Variants in ANXA10 observed in about 807,000 individuals in gnomAD.
ANXA10 encodes annexin 14.
Under a neutral mutation model 53.5 loss-of-function variants are expected in ANXA10, and 49 were observed. The observed-to-expected ratio is 0.92, with a 90% confidence interval of 0.73 to 1.16. The LOEUF is 1.16. Ranked by LOEUF, ANXA10 falls within the 50% of genes most tolerant of loss-of-function variation. The pLI is 0.00. For synonymous variants in ANXA10, 131 were observed against 128.9 expected (o/e 1.02, Z -0.11); for missense variants, 393 against 394.4 (o/e 1.00, Z 0.03).
chr4:168,117,467 A>T (rs1289113812), intron 1 of ANXA10, among the ~76,000 whole-genome samples: 1 of 152,192 alleles, frequency 6.6e-6, no homozygotes, highest in East Asian at 1.9e-4. Flanking sequence ...CACTCTTTGC[A>T]TTACCAGCTG....
chr4:168,107,135 C>G (rs991708631), intron 1 of ANXA10, among the ~76,000 whole-genome samples: 14 of 151,928 alleles, frequency 9.2e-5, no homozygotes, highest in African/African-American at 3.4e-4. Context: ...ATATGGATTC[C>G]ATTGGCAGTA....
At chr4:168,152,052 A>C (rs1348594443) in intron 3 of ANXA10, among the ~76,000 whole-genome samples, 2 of 152,226 alleles carry the variant, frequency 1.3e-5, no homozygotes, top group East Asian at 3.8e-4. Flanking sequence ...CTGGTGAAAT[A>C]GCCGTGAAGA....
At chr4:168,106,317 G>A (rs928850578) in intron 1 of ANXA10, among the ~76,000 whole-genome samples, 1 of 152,006 alleles carries the variant, frequency 6.6e-6, no homozygotes, top group Non-Finnish European at 1.5e-5. Context: ...TAATGTGTGG[G>A]AAATGGATAA....
intron 6 of ANXA10, among the ~76,000 whole-genome samples, chr4:168,173,504 G>T (rs1732057481): frequency 6.6e-6 from 1 of 152,182 alleles, no homozygotes; most frequent in Admixed American, 6.5e-5. Flanking sequence ...ACTACAGGGA[G>T]CCAAAGGTAG....
intron 3 of ANXA10, among the ~76,000 whole-genome samples, chr4:168,152,283 A>G (rs968683541): frequency 6.6e-6 from 1 of 152,192 alleles, no homozygotes; most frequent in Non-Finnish European, 1.5e-5. Context: ...ACCTAGGGGA[A>G]GAACATTAAG....
intron 1 of ANXA10, among the ~76,000 whole-genome samples, chr4:168,104,016 T>C (rs1730681331): frequency 6.6e-6 from 1 of 151,974 alleles, no homozygotes; most frequent in South Asian, 2.1e-4. Flanking sequence ...ATATTTCACC[T>C]TTAATTTTAG....
intron 1 of ANXA10, among the ~76,000 whole-genome samples, 161 bp downstream of exon 1, chr4:168,092,879 C>A (rs1164971456): frequency 1.3e-5 from 2 of 151,964 alleles, no homozygotes; most frequent in African/African-American, 4.8e-5. Flanking sequence ...TTGAAAGAAA[C>A]ATTTATAGAA....
At chr4:168,160,608 T>C (rs532064077) in intron 3 of ANXA10, among the ~76,000 whole-genome samples, 1 of 152,242 alleles carries the variant, frequency 6.6e-6, no homozygotes, top group East Asian at 1.9e-4. Flanking sequence ...TCAAATAGTA[T>C]TTCTGCCTCT....
chr4:168,126,611 A>G (rs1475155342), intron 1 of ANXA10, among the ~76,000 whole-genome samples: 3 of 152,134 alleles, frequency 2.0e-5, no homozygotes, highest in African/African-American at 7.2e-5. Flanking sequence ...CCTCTTATCT[A>G]GGACCAGCTC....
intron 3 of ANXA10, 32 bp downstream of exon 3, chr4:168,139,612 G>A (rs747202146): frequency 4.7e-5 from 73 of 1,558,898 alleles, no homozygotes; most frequent in South Asian, 1.5e-4. Flanking sequence ...CTATTTCTAG[G>A]GCAATCTCTT....
At chr4:168,112,619 T>C (rs1730829055) in intron 1 of ANXA10, among the ~76,000 whole-genome samples, 2 of 152,216 alleles carry the variant, frequency 1.3e-5, no homozygotes, top group African/African-American at 4.8e-5. Context: ...GTATTTCTCC[T>C]TCATATGGAA....
intron 6 of ANXA10, among the ~76,000 whole-genome samples, chr4:168,169,564 C>T (rs1041767666): frequency 3.9e-5 from 6 of 152,170 alleles, no homozygotes; most frequent in Non-Finnish European, 7.4e-5. Flanking sequence ...TGCCGATCTC[C>T]GTCTCAAAGT....
At chr4:168,132,151 A>G (rs1008561736) in intron 2 of ANXA10, among the ~76,000 whole-genome samples, 1 of 152,132 alleles carries the variant, frequency 6.6e-6, no homozygotes, top group Non-Finnish European at 1.5e-5. Flanking sequence ...AAAGGAAATC[A>G]ATATATCAAA....
intron 3 of ANXA10, among the ~76,000 whole-genome samples, chr4:168,160,039 T>C (rs1408242038): frequency 1.3e-5 from 2 of 152,080 alleles, no homozygotes; most frequent in East Asian, 3.9e-4. Flanking sequence ...AAATTGAGTA[T>C]ATATATATTT....
chr4:168,183,104 C>T (rs959331701), intron 10 of ANXA10, among the ~76,000 whole-genome samples: 3 of 149,530 alleles, frequency 2.0e-5, no homozygotes, highest in East Asian at 2.0e-4. Flanking sequence ...TCAAAGAAAA[C>T]GATTAAAAAT....
chr4:168,185,688 T>C (rs896551835), intron 11 of ANXA10, among the ~76,000 whole-genome samples: 1 of 152,198 alleles, frequency 6.6e-6, no homozygotes, highest in South Asian at 2.1e-4. Context: ...AATTTCAGGA[T>C]GGGGAGAGCA....
chr4:168,165,214 T>C, intron 5 of ANXA10, 33 bp from the exon 6 acceptor site: 1 of 1,380,824 alleles, frequency 7.2e-7, no homozygotes, highest in South Asian at 1.3e-5. Flanking sequence ...AGTTCTATAA[T>C]AAATCATACC....
intron 3 of ANXA10, among the ~76,000 whole-genome samples, chr4:168,156,493 TTTTTGTTTTG>T (rs938512519): frequency 2.1e-5 from 3 of 140,112 alleles, no homozygotes; most frequent in African/African-American, 8.0e-5. Context: ...TATTTCTTGT[TTTTTGTTTTG>T]TTTTGTTTTG....
At chr4:168,135,386 G>C (rs954145331) in intron 2 of ANXA10, among the ~76,000 whole-genome samples, 41 of 152,210 alleles carry the variant, frequency 2.7e-4, no homozygotes, top group Admixed American at 2.6e-3. Context: ...TTGTCAAACT[G>C]CAAGAGGCTG....
Sources: gnomAD v4.1 joint callset for allele counts (sites outside exome capture counted in the v4.1 genomes callset) on GRCh38, gnomAD v4.1.1 for gene constraint, MANE v1.5 for transcripts, NCBI Gene and HGNC (gene_info 2026-07-23, HGNC 2026-07-21) for gene names.